The following NRG1 variants were observed in gnomAD, a reference collection of about 807,000 sequenced individuals.
NRG1 encodes the protein neuregulin 1.
Under a neutral mutation model 63.8 loss-of-function variants are expected in NRG1, and 18 were observed. The ratio of observed to expected loss-of-function variants is 0.28; its 90% CI spans 0.19 to 0.42. The LOEUF (loss-of-function observed/expected upper bound fraction) is 0.42, where lower values mean the gene tolerates loss of function less well. Ranked by LOEUF, NRG1 falls within the 10% of genes least tolerant of loss-of-function variation. The pLI, the probability that NRG1 is intolerant of heterozygous loss-of-function variation, is 1.00. For missense variants in NRG1, 762 were observed against 814.7 expected, an observed-to-expected ratio of 0.94 and a Z score of 0.79; for synonymous variants, 302 against 301.3, an observed-to-expected ratio of 1.00 and a Z score of -0.02.
At chr8:31,831,530 T>A (rs1825162209) in intron 1 of NRG1, among the ~76,000 whole-genome samples, 1 of 152,206 alleles carries the variant, frequency 6.6e-6, no homozygotes, top group Non-Finnish European at 1.5e-5. Flanking sequence ...ATTTTAAGAT[T>A]TCTGAGAAGT....
chr8:31,922,075 G>A (rs956472462), intron 1 of NRG1, among the ~76,000 whole-genome samples: 20 of 152,192 alleles, frequency 1.3e-4, no homozygotes, highest in African/African-American at 4.8e-4. Context: ...TGGAATTTCA[G>A]TGCTGATTTT....
chr8:31,721,081 C>T (rs1307970164), intron 1 of NRG1, among the ~76,000 whole-genome samples: 7 of 152,120 alleles, frequency 4.6e-5, no homozygotes, highest in African/African-American at 1.4e-4. Context: ...GGAGCTCCAC[C>T]GTCTGGTGCC....
intron 1 of NRG1, among the ~76,000 whole-genome samples, chr8:31,918,056 T>C (rs1833562160): frequency 6.6e-6 from 1 of 152,206 alleles, no homozygotes; most frequent in South Asian, 2.1e-4. Context: ...TGATTTTGTA[T>C]CCTGAGACTT....
intron 1 of NRG1, among the ~76,000 whole-genome samples, chr8:32,380,244 C>T (rs1810174662): frequency 1.3e-5 from 2 of 152,102 alleles, no homozygotes; most frequent in Admixed American, 1.3e-4. Context: ...ACCATATATC[C>T]TCGGTCTTCC....
intron 7 of NRG1, among the ~76,000 whole-genome samples, chr8:32,752,924 G>A (rs1162356533): frequency 6.6e-6 from 1 of 152,108 alleles, no homozygotes; most frequent in East Asian, 1.9e-4. Context: ...TCGGCTTGTA[G>A]GAAATGTTTT....
chr8:32,537,492 T>G (rs898974865), intron 1 of NRG1, among the ~76,000 whole-genome samples: 9 of 152,192 alleles, frequency 5.9e-5, no homozygotes, highest in Admixed American at 2.6e-4. Flanking sequence ...TTTCACTAAT[T>G]ACTGAATAGT....
At chr8:32,743,149 G>T (rs993930765) in intron 7 of NRG1, 61 of 990,474 alleles carry the variant, frequency 6.2e-5, no homozygotes, top group Non-Finnish European at 7.1e-5. Flanking sequence ...AGCTGTAACC[G>T]ATATGCACTT....
chr8:31,958,327 T>C (rs886737566), intron 1 of NRG1, among the ~76,000 whole-genome samples: 3 of 152,092 alleles, frequency 2.0e-5, no homozygotes, highest in Non-Finnish European at 2.9e-5. Flanking sequence ...ATGACAATAA[T>C]CAATTTGGGT....
chr8:32,764,223 G>C (rs777344047), exon 12 of NRG1: 1 of 1,614,126 alleles, frequency 6.2e-7, no homozygotes, highest in Non-Finnish European at 8.5e-7. Context: ...AGATGAAAGA[G>C]TAGGTGAAGA....
At chr8:32,447,520 A>G (rs1317699849) in intron 1 of NRG1, among the ~76,000 whole-genome samples, 1 of 152,172 alleles carries the variant, frequency 6.6e-6, no homozygotes, top group East Asian at 1.9e-4. Context: ...AGCAAGAGAC[A>G]TGTTTTATTC....
chr8:32,540,473 C>A (rs1201887503), intron 1 of NRG1, among the ~76,000 whole-genome samples: 2 of 152,062 alleles, frequency 1.3e-5, no homozygotes, highest in Non-Finnish European at 2.9e-5. Flanking sequence ...TCATTCAATC[C>A]GAAAGCAAGA....
chr8:32,461,393 T>C (rs901225836), intron 1 of NRG1, among the ~76,000 whole-genome samples: 2 of 152,172 alleles, frequency 1.3e-5, no homozygotes, highest in African/African-American at 4.8e-5. Flanking sequence ...TAGTGAGTTG[T>C]ATTCAATAGA....
chr8:32,397,721 G>A (rs1223329035), intron 1 of NRG1, among the ~76,000 whole-genome samples: 2 of 152,000 alleles, frequency 1.3e-5, no homozygotes, highest in Non-Finnish European at 2.9e-5. Flanking sequence ...TGTGTATTCC[G>A]GTTCTGAAAC....
At chr8:31,831,591 T>A (rs767672126) in intron 1 of NRG1, among the ~76,000 whole-genome samples, 21 of 152,214 alleles carry the variant, frequency 1.4e-4, no homozygotes, top group Non-Finnish European at 2.9e-4. Context: ...GGCCTGCTAA[T>A]AATAAGAAGA....
chr8:31,760,234 T>C (rs1817390985), intron 1 of NRG1, among the ~76,000 whole-genome samples: 1 of 152,138 alleles, frequency 6.6e-6, no homozygotes, highest in African/African-American at 2.4e-5. Context: ...GTATAAGGTG[T>C]AAGGAAGGGA....
Position 32,743,487 on chromosome 8 carries a change from A to G in NRG1, c.691+754A>G, listed in dbSNP as rs555912771. Among the ~76,000 whole-genome samples the G allele has an allele frequency of 1.6e-3, 235 of 150,146 alleles. 1 individual carries two copies. The highest frequency in any genetic ancestry group is 5.6e-3 in the African/African-American group (230 of 41,062). On this transcript the variant is annotated intron_variant, in intron 7 of 11. Transcript: ENST00000356819. The stretch of plus-strand genomic sequence containing the variant: ...GTTTAAATATTTATTTTGAGATATA[A>G]CAACTCAACTATAGGATAAATATGT...
At chr8:32,153,082 T>TA (rs200919394) in intron 1 of NRG1, among the ~76,000 whole-genome samples, 1 of 108,950 alleles carries the variant, frequency 9.2e-6, no homozygotes, top group Non-Finnish European at 2.2e-5. Flanking sequence ...CCCCCAATTC[T>TA]AAAAAAATTA....
chr8:32,383,184 T>G (rs1810569146), intron 1 of NRG1, among the ~76,000 whole-genome samples: 1 of 152,106 alleles, frequency 6.6e-6, no homozygotes, highest in Admixed American at 6.6e-5. Context: ...ATGATGGCAT[T>G]ACTGCATTCC....
At chr8:31,818,417 T>C (rs997096234) in intron 1 of NRG1, among the ~76,000 whole-genome samples, 1 of 152,160 alleles carries the variant, frequency 6.6e-6, no homozygotes, top group Admixed American at 6.5e-5. Context: ...ATATCAGCAG[T>C]CCCCAACCTT....
Sources: gnomAD v4.1 joint callset for allele counts (sites outside exome capture counted in the v4.1 genomes callset) on GRCh38, gnomAD v4.1.1 for gene constraint, MANE v1.5 for transcripts, NCBI Gene and HGNC (gene_info 2026-07-23, HGNC 2026-07-21) for gene names.